The following ST3GAL1 variants were observed in gnomAD, a reference collection of about 807,000 sequenced individuals.
ST3GAL1 encodes ST3 beta-galactoside alpha-2,3-sialyltransferase 1.
In ST3GAL1, 16 loss-of-function variants were observed where a neutral mutation model predicts 34.1. That is an observed-to-expected ratio of 0.47 (90% confidence interval 0.32 to 0.71). ST3GAL1 has a LOEUF of 0.71. ST3GAL1 is among the 30% of genes least tolerant of loss of function. ST3GAL1 has a pLI of 0.04. For synonymous variants in ST3GAL1, 191 were observed against 184.7 expected (o/e 1.03, Z -0.28); for missense variants, 353 against 447.4 (o/e 0.79, Z 1.90).
At chr8:133,568,951 C>T (rs190848270) in intron 1 of ST3GAL1, among the ~76,000 whole-genome samples, 1 of 152,316 alleles carries the variant, frequency 6.6e-6, no homozygotes, top group African/African-American at 2.4e-5. Context: ...GTGAGCGCCA[C>T]CAGGGAAGGG....
At chr8:133,487,043 A>G (rs1378668979) in intron 3 of ST3GAL1, among the ~76,000 whole-genome samples, 2 of 152,182 alleles carry the variant, frequency 1.3e-5, no homozygotes, top group African/African-American at 4.8e-5. Flanking sequence ...TCCCGGATTC[A>G]AGCGATTCTC....
At chr8:133,536,315 G>A (rs1427253454) in intron 2 of ST3GAL1, among the ~76,000 whole-genome samples, 3 of 152,176 alleles carry the variant, frequency 2.0e-5, no homozygotes, top group Non-Finnish European at 4.4e-5. Context: ...GCATTAAAAG[G>A]AGGAAGGACA....
At chr8:133,497,378 CAA>C (rs965943504) in intron 3 of ST3GAL1, among the ~76,000 whole-genome samples, 1 of 150,476 alleles carries the variant, frequency 6.6e-6, no homozygotes, top group Admixed American at 6.6e-5. Context: ...AGAAATTGTG[CAA>C]AGAGGATTAA....
chr8:133,521,009 G>C (rs1195087696), intron 2 of ST3GAL1, among the ~76,000 whole-genome samples: 1 of 98,318 alleles, frequency 1.0e-5, no homozygotes. Flanking sequence ...CTAGAGTGCA[G>C]TGGTGCAATC....
chr8:133,505,938 A>G (rs1817321675), intron 2 of ST3GAL1, among the ~76,000 whole-genome samples: 2 of 152,224 alleles, frequency 1.3e-5, no homozygotes, highest in Admixed American at 1.3e-4. Context: ...AATTTAAAAT[A>G]CAAGTCCTCA....
chr8:133,551,600 A>C (rs1201650034), intron 1 of ST3GAL1, among the ~76,000 whole-genome samples: 2 of 148,030 alleles, frequency 1.4e-5, no homozygotes, highest in African/African-American at 2.5e-5. Context: ...GAAAGAAAGA[A>C]AGAAAGAAAG....
At chr8:133,497,972 C>G (rs962043995) in intron 3 of ST3GAL1, among the ~76,000 whole-genome samples, 4 of 152,200 alleles carry the variant, frequency 2.6e-5, no homozygotes, top group African/African-American at 9.7e-5. Flanking sequence ...ACCTGCTGTT[C>G]CCTCTACCAA....
At position 133,475,585 on chromosome 8, in the gene ST3GAL1, C is replaced by T. The variant is rs546761137; in HGVS notation, c.306+134G>A. On this transcript the variant is annotated intron_variant, in intron 5 of 9. Coordinates refer to ENST00000522652, the MANE Select transcript of ST3GAL1 (RefSeq NM_173344.3). Reference sequence around the variant, plus strand: ...GCACCTCACTCTCATTACCAGACCCCTACCCTCAGCCCAGACTCCCACTTT... The same window carrying T: ...GCACCTCACTCTCATTACCAGACCCTTACCCTCAGCCCAGACTCCCACTTT... The T allele has an allele frequency of 2.8e-6, 3 of 1,081,536 alleles. No homozygotes were observed. In the East Asian group the frequency reaches 7.9e-5, roughly 28 times the overall value. 67.0% of individuals were successfully genotyped at this position (1,081,536 alleles called of 1,614,324 possible).
chr8:133,555,019 G>A (rs947996775), intron 1 of ST3GAL1, among the ~76,000 whole-genome samples: 3 of 152,074 alleles, frequency 2.0e-5, no homozygotes, highest in East Asian at 3.9e-4. Flanking sequence ...GAGCCACCGC[G>A]CCCAGCCTAC....
intron 2 of ST3GAL1, among the ~76,000 whole-genome samples, chr8:133,513,608 G>T (rs965423097): frequency 2.0e-5 from 3 of 152,048 alleles, no homozygotes; most frequent in Non-Finnish European, 4.4e-5. Context: ...TCTAGAAAAA[G>T]GTTTTGGCTG....
chr8:133,455,841 C>T lies in ST3GAL1; in HGVS notation c.*3923G>A, dbSNP rs1370163484. The T allele has an allele frequency of 6.6e-6, 1 of 152,204 alleles. No homozygotes were observed. Among genetic ancestry groups the T allele is most frequent in the Non-Finnish European group, 1.5e-5 (1 of 68,046 alleles). The allele number at this position is 152,204 out of a possible 1,614,324, so 9.4% of individuals were successfully genotyped here. A position where few individuals can be genotyped will look rare whatever the true frequency, so the allele number is the denominator to read the frequency against. ...TGTTTTCGGGCTGCTTCAAAGCAAA[C>T]ATCCCAGTTCCAAATGTTCTTTGTG... On this transcript the variant is annotated 3_prime_UTR_variant, in exon 10 of 10. Coordinates refer to ENST00000522652, the MANE Select transcript of ST3GAL1 (RefSeq NM_173344.3).
chr8:133,460,802 T>A (rs1232835136), intron 9 of ST3GAL1, among the ~76,000 whole-genome samples: 1 of 150,314 alleles, frequency 6.7e-6, no homozygotes. Flanking sequence ...TCTTGGAAAA[T>A]GAGTACAAGA....
intron 1 of ST3GAL1, among the ~76,000 whole-genome samples, chr8:133,568,104 T>C (rs1819460268): frequency 6.6e-6 from 1 of 152,080 alleles, no homozygotes; most frequent in South Asian, 2.1e-4. Flanking sequence ...GTATTTTCAG[T>C]AGAGGCAGGG....
At position 133,526,378 on chromosome 8, in the gene ST3GAL1, G is replaced by A. The variant is rs56860535; in HGVS notation, c.-429+19396C>T. ...CAGGGGAAGTAGAAAAGTTCATGAA[G>A]GCTCCTAAGTCTCTCCAACCACCCA... On this transcript the variant is annotated intron_variant, in intron 2 of 9. Coordinates refer to ENST00000522652, the MANE Select transcript of ST3GAL1 (RefSeq NM_173344.3). Among the ~76,000 whole-genome samples the A allele has an allele frequency of 3.3e-3, 509 of 152,260 alleles. 2 individuals are homozygous for A. The highest frequency in any genetic ancestry group is 0.012 in the African/African-American group (492 of 41,560).
At chr8:133,523,045 A>G (rs1356199223) in intron 2 of ST3GAL1, among the ~76,000 whole-genome samples, 1 of 152,170 alleles carries the variant, frequency 6.6e-6, no homozygotes, top group African/African-American at 2.4e-5. Context: ...TTTCTGGACA[A>G]CTGTGCTCAA....
chr8:133,562,759 T>C (rs1463367996), intron 1 of ST3GAL1, among the ~76,000 whole-genome samples: 2 of 151,960 alleles, frequency 1.3e-5, no homozygotes, highest in Non-Finnish European at 2.9e-5. Flanking sequence ...TCGAGTCTTC[T>C]AAGGATCTAA....
At chr8:133,566,242 G>A (rs920655985) in intron 1 of ST3GAL1, among the ~76,000 whole-genome samples, 3 of 152,208 alleles carry the variant, frequency 2.0e-5, no homozygotes, top group African/African-American at 7.2e-5. Flanking sequence ...AGAGGAGCAT[G>A]CTCCCCCAAC....
intron 2 of ST3GAL1, among the ~76,000 whole-genome samples, chr8:133,542,063 G>A (rs1014971843): frequency 9.2e-5 from 14 of 151,846 alleles, no homozygotes; most frequent in African/African-American, 3.1e-4. Flanking sequence ...GATTATGTAT[G>A]TATATAAATG....
At chr8:133,481,764 G>A (rs143779440) in intron 3 of ST3GAL1, among the ~76,000 whole-genome samples, 35 of 146,970 alleles carry the variant, frequency 2.4e-4, no homozygotes, top group Middle Eastern at 3.5e-3. Flanking sequence ...CCAAAGTGCT[G>A]GGATTATAGG....
Sources: gnomAD v4.1 joint callset for allele counts (sites outside exome capture counted in the v4.1 genomes callset) on GRCh38, gnomAD v4.1.1 for gene constraint, MANE v1.5 for transcripts, NCBI Gene and HGNC (gene_info 2026-07-23, HGNC 2026-07-21) for gene names.